ITPRID1: variants seen among roughly 807,000 people sequenced by gnomAD.
The protein encoded by ITPRID1 is protein ITPRID1.
Under a neutral mutation model 95.4 loss-of-function variants are expected in ITPRID1, and 96 were observed. The ratio of observed to expected loss-of-function variants is 1.01; its 90% CI spans 0.85 to 1.19. The LOEUF is 1.19. ITPRID1 is among the 50% of genes most tolerant of loss of function. The pLI, the probability that ITPRID1 is intolerant of heterozygous loss-of-function variation, is 0.00. For synonymous variants in ITPRID1, 510 were observed against 453.6 expected (o/e 1.12, Z -1.58); for missense variants, 1,339 against 1,252.9 (o/e 1.07, Z -1.04).
intron 1 of ITPRID1, among the ~76,000 whole-genome samples, chr7:31,527,448 G>A (rs1388833643): frequency 6.6e-6 from 1 of 152,076 alleles, no homozygotes; most frequent in Non-Finnish European, 1.5e-5. Flanking sequence ...GGATAACTGT[G>A]TAGATCCAAA....
chr7:31,519,620 C>CTCTCTCTCCATATATATATATA, intron 1 of ITPRID1, among the ~76,000 whole-genome samples: 1 of 25,270 alleles, frequency 4.0e-5, no homozygotes, highest in Non-Finnish European at 7.3e-5. Context: ...CTCTCTCTCT[C>CTCTCTCTCCATATATATATATA]TATATATATA....
intron 10 of ITPRID1, among the ~76,000 whole-genome samples, chr7:31,605,667 C>A (rs1786590948): frequency 6.6e-6 from 1 of 152,140 alleles, no homozygotes; most frequent in African/African-American, 2.4e-5. Context: ...ATAGAAGAGG[C>A]TTTGGGTATT....
At chr7:31,598,854 AATG>A (rs1786220831) in intron 10 of ITPRID1, among the ~76,000 whole-genome samples, 1 of 152,222 alleles carries the variant, frequency 6.6e-6, no homozygotes, top group Non-Finnish European at 1.5e-5. Context: ...GATAAGTTTA[AATG>A]ATAAGACGCT....
In ITPRID1 at chr7:31,514,741, A is replaced by G. The variant is rs115283166; in HGVS notation, c.-98+621A>G. 5.9e-3 allele frequency among the ~76,000 whole-genome samples: 896 copies of G among 152,310 alleles called. 11 individuals carry two copies. Among genetic ancestry groups the G allele is most frequent in the African/African-American group, 0.021 (856 of 41,568 alleles). Reference sequence around the variant, plus strand: ...TTTAACAGATATATGTTGCTAATGAATAAGATGTGTTAAATACTAATGAAA... The same window carrying G: ...TTTAACAGATATATGTTGCTAATGAGTAAGATGTGTTAAATACTAATGAAA... On this transcript the variant is annotated intron_variant, in intron 1 of 14. Transcript: ENST00000615280.
At chr7:31,623,777 T>C (rs946808890) in intron 10 of ITPRID1, among the ~76,000 whole-genome samples, 16 of 151,340 alleles carry the variant, frequency 1.1e-4, no homozygotes, top group Admixed American at 3.3e-4. Context: ...CCAGGGCAAT[T>C]AGGCAGGAGA....
At chr7:31,623,306 G>C (rs1269156805) in intron 10 of ITPRID1, among the ~76,000 whole-genome samples, 1 of 152,108 alleles carries the variant, frequency 6.6e-6, no homozygotes, top group South Asian at 2.1e-4. Context: ...AACCAAAAAA[G>C]AGAATTTTAG....
At chr7:31,532,396 A>G (rs1783628165) in intron 1 of ITPRID1, among the ~76,000 whole-genome samples, 1 of 152,216 alleles carries the variant, frequency 6.6e-6, no homozygotes, top group African/African-American at 2.4e-5. Context: ...AAGGTTGAAT[A>G]GAAATGATGA....
chr7:31,562,613 A>G (rs1329556922), intron 5 of ITPRID1, among the ~76,000 whole-genome samples: 2 of 152,202 alleles, frequency 1.3e-5, no homozygotes, highest in African/African-American at 4.8e-5. Flanking sequence ...TATTCACAAC[A>G]ATGATCTGTT....
chr7:31,633,681 C>G (rs769522896), intron 10 of ITPRID1, among the ~76,000 whole-genome samples: 11 of 152,208 alleles, frequency 7.2e-5, no homozygotes, highest in Non-Finnish European at 1.6e-4. Context: ...CATTCCAACT[C>G]TAGGCTAACT....
intron 12 of ITPRID1, among the ~76,000 whole-genome samples, chr7:31,649,006 T>C (rs1220989739): frequency 6.6e-6 from 1 of 152,232 alleles, no homozygotes; most frequent in Non-Finnish European, 1.5e-5. Context: ...TAATCTAGCA[T>C]TCCTGCCAAC....
chr7:31,580,084 G>A (rs1296818297), intron 9 of ITPRID1, among the ~76,000 whole-genome samples: 2 of 151,978 alleles, frequency 1.3e-5, no homozygotes, highest in Non-Finnish European at 2.9e-5. Flanking sequence ...GATCACCTGA[G>A]GTCAGGAATT....
At chr7:31,611,184 G>A (rs1786851155) in intron 10 of ITPRID1, among the ~76,000 whole-genome samples, 2 of 151,160 alleles carry the variant, frequency 1.3e-5, no homozygotes, top group South Asian at 4.2e-4. Flanking sequence ...AATCTAGATA[G>A]GATTAGTACC....
At position 31,574,545 on chromosome 7, in the gene ITPRID1, C is replaced by G. The variant is rs1785106903; in HGVS notation, c.401C>G (p.Pro134Arg). Residue 134 changes from proline (P) to arginine (R), a missense_variant, in exon 8 of 15, where the codon CCT becomes CGT. Physicochemically the swap from Pro to Arg is moderately radical, Grantham distance 103. Coordinates refer to ENST00000615280, the MANE Select transcript of ITPRID1 (RefSeq NM_001257967.3). ...YSTASVPQSI[P>R]EWLEFWEIDP... ...ATTCATATTTTTTACCACAGCATTCCTGAATGGCTGGAATTTTGGGAGATA... is the reference window on the plus strand; with the variant it reads ...ATTCATATTTTTTACCACAGCATTCGTGAATGGCTGGAATTTTGGGAGATA... 6.2e-7 allele frequency: 1 copy of G among 1,613,008 alleles called. No individual in the cohort carries two copies. Among genetic ancestry groups the G allele is most frequent in the Admixed American group, 1.7e-5 (1 of 60,018 alleles).
chr7:31,596,239 T>G (rs1786085144), intron 10 of ITPRID1, among the ~76,000 whole-genome samples: 1 of 151,486 alleles, frequency 6.6e-6, no homozygotes, highest in Non-Finnish European at 1.5e-5. Context: ...AAATTACTTC[T>G]GAGAAAAGCA....
chr7:31,643,733 G>A lies in ITPRID1; in HGVS notation c.2363G>A (p.Gly788Asp). ...PLTKSVSLDSGFSSICPMGTC... is the reference protein window; with the variant it reads ...PLTKSVSLDSDFSSICPMGTC... ...ACCAAATCCGTCTCTCTAGACTCAG[G>A]CTTCTCTAGTATCTGCCCAATGGGC... Residue 788 changes from glycine to aspartate, a missense_variant, in exon 12 of 15, where the codon GGC (glycine) becomes GAC (aspartate). Gly to Asp is a moderately conservative substitution (Grantham distance 94, BLOSUM62 -1). Coordinates refer to ENST00000615280, the MANE Select transcript of ITPRID1 (RefSeq NM_001257967.3). 3.7e-6 allele frequency: 6 copies of A among 1,613,976 alleles called. No individual in the cohort carries two copies. Among genetic ancestry groups the A allele is most frequent in the Non-Finnish European group, 4.2e-6 (5 of 1,179,880 alleles).
At position 31,616,593 on chromosome 7, in the gene ITPRID1, A is replaced by G. The variant is rs74988450; in HGVS notation, c.1229-25583A>G. Among the ~76,000 whole-genome samples, 845 of 152,274 alleles carry G rather than the reference A, an allele frequency of 5.5e-3. 5 individuals are homozygous for G. The highest frequency in any genetic ancestry group is 0.014 in the Middle Eastern group (4 of 294). ...GTCCATTTTTTTCATCATCTCATTG[A>G]TTCCACAGGCACAATGTTATTTCAG... On this transcript the variant is annotated intron_variant, in intron 10 of 14. Transcript: ENST00000615280.
intron 12 of ITPRID1, among the ~76,000 whole-genome samples, chr7:31,645,577 C>G (rs984026167): frequency 1.3e-5 from 2 of 151,698 alleles, no homozygotes; most frequent in Admixed American, 1.3e-4. Flanking sequence ...ACAGTAGGGT[C>G]GTCATCACCA....
Position 31,653,180 on chromosome 7 carries a change from A to G in ITPRID1, c.*351A>G, listed in dbSNP as rs1252246417. The G allele has an allele frequency of 5.7e-5, 13 of 228,570 alleles. No homozygotes were observed. Among genetic ancestry groups the G allele is most frequent in the Non-Finnish European group, 4.3e-5 (5 of 117,592 alleles). The allele number at this position is 228,570 out of a possible 1,614,324, so 14.2% of individuals were successfully genotyped here. ...TATAGAAGTTTATTTTGCCAAGGTT[A>G]AGGATACACACCCAGAAGACAGGTC... On this transcript the variant is annotated 3_prime_UTR_variant, in exon 15 of 15. Transcript: ENST00000615280.
intron 10 of ITPRID1, among the ~76,000 whole-genome samples, chr7:31,631,607 A>G (rs1789003928): frequency 6.6e-6 from 1 of 152,140 alleles, no homozygotes; most frequent in African/African-American, 2.4e-5. Context: ...ATTTTTCTTT[A>G]ATGATGAAGG....
Sources: allele counts gnomAD v4.1 joint callset (sites outside exome capture counted in the v4.1 genomes callset), GRCh38; gene constraint gnomAD v4.1.1; transcripts MANE v1.5; gene names NCBI Gene and HGNC (gene_info 2026-07-23, HGNC 2026-07-21).